Variants in PLEKHA7 observed in about 807,000 individuals in gnomAD.
The protein encoded by PLEKHA7 is pleckstrin homology domain-containing family A member 7.
A neutral mutation model predicts 170.0 loss-of-function variants in PLEKHA7; 104 were observed. The ratio of observed to expected loss-of-function variants is 0.61; its 90% CI spans 0.52 to 0.72. The LOEUF (loss-of-function observed/expected upper bound fraction) is 0.72. Ranked by LOEUF, PLEKHA7 falls within the 30% of genes least tolerant of loss-of-function variation. The pLI is 0.00. For missense variants in PLEKHA7, 1,615 were observed against 1,671.7 expected, an observed-to-expected ratio of 0.97 and a Z score of 0.59; for synonymous variants, 648 against 660.8, an observed-to-expected ratio of 0.98 and a Z score of 0.30.
At chr11:16,980,872 A>G (rs1863384340) in intron 3 of PLEKHA7, among the ~76,000 whole-genome samples, 2 of 152,110 alleles carry the variant, frequency 1.3e-5, no homozygotes, top group Non-Finnish European at 2.9e-5. Context: ...GGGCAACAAG[A>G]GCAAAATTCC....
intron 3 of PLEKHA7, among the ~76,000 whole-genome samples, chr11:16,977,764 G>C (rs182478079): frequency 3.9e-5 from 6 of 152,288 alleles, no homozygotes; most frequent in Non-Finnish European, 7.3e-5. Context: ...TTGGTAACTA[G>C]ATCAAGGCAC....
At chr11:16,993,163 G>A (rs986145123) in intron 3 of PLEKHA7, among the ~76,000 whole-genome samples, 4 of 152,158 alleles carry the variant, frequency 2.6e-5, no homozygotes, top group African/African-American at 4.8e-5. Context: ...AGCCCCTGCA[G>A]GTAAATGATC....
chr11:16,923,684 C>T (rs914449325), intron 3 of PLEKHA7, among the ~76,000 whole-genome samples: 1 of 152,084 alleles, frequency 6.6e-6, no homozygotes, highest in African/African-American at 2.4e-5. Context: ...ACAGCCCACA[C>T]CCAGTGCTAA....
intron 13 of PLEKHA7, among the ~76,000 whole-genome samples, chr11:16,805,659 G>A (rs1052568593): frequency 2.0e-5 from 3 of 151,748 alleles, no homozygotes; most frequent in South Asian, 2.1e-4. Context: ...GCACAGTGCC[G>A]CGCACCTGTA....
intron 3 of PLEKHA7, among the ~76,000 whole-genome samples, chr11:16,937,302 T>C (rs1280856121): frequency 1.3e-5 from 2 of 152,232 alleles, no homozygotes; most frequent in East Asian, 3.8e-4. Context: ...GTGCCAAGAT[T>C]GTGCTGGGCA....
chr11:16,789,510 A>G lies in PLEKHA7; in HGVS notation c.3157-214T>C. The G allele has an allele frequency of 1.6e-6, 1 of 622,936 alleles. No homozygotes were observed. Among genetic ancestry groups the G allele is most frequent in the South Asian group, 2.0e-5 (1 of 50,786 alleles). 38.6% of individuals were successfully genotyped at this position (622,936 alleles called of 1,614,324 possible). ...TGAGTAGCACCCATTCTGCAGATGC[A>G]GACACTTAGGCTCAGGCCTGTCCAG... On this transcript the variant is annotated intron_variant, in intron 22 of 26. Coordinates refer to ENST00000531066, the MANE Select transcript of PLEKHA7 (RefSeq NM_001329630.2). This position sits in a 1 kb window ranked among gnomAD's most constrained non-coding sequence, Gnocchi z 4.6.
At chr11:16,986,562 C>G (rs1863737713) in intron 3 of PLEKHA7, among the ~76,000 whole-genome samples, 1 of 152,184 alleles carries the variant, frequency 6.6e-6, no homozygotes, top group Non-Finnish European at 1.5e-5. Context: ...AGGAGGAAGT[C>G]AGGGGAGAGA....
At position 16,802,958 on chromosome 11, in the gene PLEKHA7, A is replaced by G; in HGVS notation, c.2157+14T>C. Reference sequence around the variant, plus strand: ...CCTCTGCCCATTCCAAGATTATTCAAAACTGACACGTACTTTGTTCTCTTT... The same window carrying G: ...CCTCTGCCCATTCCAAGATTATTCAGAACTGACACGTACTTTGTTCTCTTT... On this transcript the variant is annotated intron_variant, in intron 15 of 26. Coordinates refer to ENST00000531066, the MANE Select transcript of PLEKHA7 (RefSeq NM_001329630.2). 6.2e-7 allele frequency: 1 copy of G among 1,605,910 alleles called. No individual in the cohort carries two copies. Among genetic ancestry groups the G allele is most frequent in the Non-Finnish European group, 8.5e-7 (1 of 1,172,420 alleles).
intron 10 of PLEKHA7, among the ~76,000 whole-genome samples, chr11:16,824,696 AC>A (rs766988660): frequency 2.6e-5 from 4 of 152,170 alleles, no homozygotes; most frequent in East Asian, 1.9e-4. Context: ...CTAGGCTCTT[AC>A]CTTCTTTGTG....
chr11:16,924,553 A>G (rs1204268706), intron 3 of PLEKHA7, among the ~76,000 whole-genome samples: 3 of 152,210 alleles, frequency 2.0e-5, no homozygotes, highest in Non-Finnish European at 4.4e-5. Context: ...GGAGGGGTAC[A>G]GACGGGTTCT....
intron 3 of PLEKHA7, among the ~76,000 whole-genome samples, chr11:17,006,757 C>T (rs1865024292): frequency 3.3e-5 from 5 of 152,138 alleles, no homozygotes; most frequent in Non-Finnish European, 7.4e-5. Context: ...CAGACTCCTT[C>T]CTAGGGGTGG....
In PLEKHA7 at chr11:16,855,862, C is replaced by T. The variant is rs1321295849; in HGVS notation, c.358G>A (p.Val120Ile). Reference sequence around the variant, plus strand: ...GTCCCAGCCGTGGATGTTTCACTGACCATGCTGGACGGTCTTTGGTTTCTG... The same window carrying T: ...GTCCCAGCCGTGGATGTTTCACTGATCATGCTGGACGGTCTTTGGTTTCTG... ...QDRNQRPSSM[V>I]SETSTAGTAS... Residue 120 changes from valine (V) to isoleucine (I), a missense_variant, in exon 5 of 27, where the codon GTC becomes ATC. By Grantham distance (29) the Val-to-Ile change is conservative. Coordinates refer to ENST00000531066, the MANE Select transcript of PLEKHA7 (RefSeq NM_001329630.2). The T allele has an allele frequency of 1.2e-6, 2 of 1,614,188 alleles. No homozygotes were observed. Among genetic ancestry groups the T allele is most frequent in the Non-Finnish European group, 1.7e-6 (2 of 1,180,024 alleles).
At chr11:16,949,011 C>T (rs1861235064) in intron 3 of PLEKHA7, among the ~76,000 whole-genome samples, 1 of 152,198 alleles carries the variant, frequency 6.6e-6, no homozygotes, top group South Asian at 2.1e-4. Flanking sequence ...CCCCTTGTGC[C>T]TGTCCACTCA....
At chr11:16,872,551 G>A (rs1451792772) in intron 3 of PLEKHA7, among the ~76,000 whole-genome samples, 5 of 151,912 alleles carry the variant, frequency 3.3e-5, no homozygotes, top group Admixed American at 1.3e-4. Flanking sequence ...ACCGGGTCCC[G>A]CTCTGTTGCC....
intron 5 of PLEKHA7, 91 bp from the exon 6 acceptor site, chr11:16,855,084 G>A (rs1853324123): frequency 1.9e-6 from 2 of 1,035,932 alleles, no homozygotes; most frequent in Non-Finnish European, 3.0e-6. Context: ...GGCTCTCTCT[G>A]CCTCACTCTA....
At chr11:16,815,644 T>C (rs560806911) in intron 12 of PLEKHA7, among the ~76,000 whole-genome samples, 16 of 152,278 alleles carry the variant, frequency 1.1e-4, no homozygotes, top group African/African-American at 3.4e-4. Context: ...GCCTTCCGAA[T>C]AGCTGGGATC....
At chr11:16,815,917 T>C (rs1158793810) in intron 12 of PLEKHA7, among the ~76,000 whole-genome samples, 2 of 151,912 alleles carry the variant, frequency 1.3e-5, no homozygotes, top group Admixed American at 6.6e-5. Context: ...AGCTGAAAAA[T>C]GTTTCTGGCA....
At chr11:16,882,267 C>G (rs1855769899) in intron 3 of PLEKHA7, among the ~76,000 whole-genome samples, 2 of 152,198 alleles carry the variant, frequency 1.3e-5, no homozygotes. Flanking sequence ...ACCTCCATAT[C>G]CTTCATAACT....
At chr11:16,999,366 C>T (rs1017096196) in intron 3 of PLEKHA7, among the ~76,000 whole-genome samples, 3 of 151,976 alleles carry the variant, frequency 2.0e-5, no homozygotes, top group Non-Finnish European at 4.4e-5. Flanking sequence ...TAAGTGGTCA[C>T]GGGGTTCCAA....
Sources: allele counts gnomAD v4.1 joint callset (sites outside exome capture counted in the v4.1 genomes callset), GRCh38; gene constraint gnomAD v4.1.1; non-coding constraint Gnocchi (gnomAD v3.1); transcripts MANE v1.5; gene names NCBI Gene and HGNC (gene_info 2026-07-23, HGNC 2026-07-21).